The following ADAMTS17 variants were observed in gnomAD, a reference collection of about 807,000 sequenced individuals.
ADAMTS17 encodes ADAM metallopeptidase with thrombospondin type 1 motif 17.
A neutral mutation model predicts 141.5 loss-of-function variants in ADAMTS17; 113 were observed. The ratio of observed to expected loss-of-function variants is 0.80; its 90% CI spans 0.69 to 0.93. The LOEUF is 0.93. Among genes scored for constraint, ADAMTS17 ranks in the 40% least tolerant of loss-of-function variants. The pLI is 0.00. For missense variants in ADAMTS17, 1,659 were observed against 1,517.9 expected (o/e 1.09, Z -1.54); for synonymous variants, 768 against 630.6 (o/e 1.22, Z -3.27).
At chr15:100,063,178 C>A (rs1279345774) in intron 15 of ADAMTS17, among the ~76,000 whole-genome samples, 1 of 152,212 alleles carries the variant, frequency 6.6e-6, no homozygotes, top group African/African-American at 2.4e-5. Context: ...GAGCTGGCCA[C>A]TAGGAATTTG....
At chr15:100,204,503 G>C (rs575226374) in intron 7 of ADAMTS17, among the ~76,000 whole-genome samples, 5 of 152,308 alleles carry the variant, frequency 3.3e-5, no homozygotes, top group African/African-American at 1.2e-4. Context: ...AGTGGATGTG[G>C]GTGTGATCTG....
rs550141566 is a variant in ADAMTS17 at position 100,191,544 on chromosome 15, G to A, written c.1181+7774C>T. Among the ~76,000 whole-genome samples, 3 of 152,356 alleles carry A rather than the reference G, an allele frequency of 2.0e-5. No individual in the cohort carries two copies. In the South Asian group the frequency reaches 6.2e-4, roughly 32 times the overall value. On this transcript the variant is annotated intron_variant, in intron 8 of 21. Transcript: ENST00000268070. ...GGTTTTCCAGACAACTGGAAGAAAT[G>A]TCGTCGCCTCGCATGAGACTCCACA...
chr15:100,219,610 G>T (rs1037295429), intron 7 of ADAMTS17, among the ~76,000 whole-genome samples: 2 of 152,096 alleles, frequency 1.3e-5, no homozygotes, highest in East Asian at 1.9e-4. Context: ...GCCTCCTAAC[G>T]CATCCAGAGA....
At chr15:100,256,203 G>A (rs891209225) in intron 6 of ADAMTS17, among the ~76,000 whole-genome samples, 21 of 152,208 alleles carry the variant, frequency 1.4e-4, no homozygotes, top group African/African-American at 4.3e-4. Context: ...GGAATGAAAA[G>A]AGGGCTAGAC....
intron 8 of ADAMTS17, among the ~76,000 whole-genome samples, chr15:100,188,411 A>AAC (rs1415137405): frequency 2.6e-5 from 4 of 151,628 alleles, no homozygotes; most frequent in South Asian, 2.1e-4. Flanking sequence ...AAAAAACAAG[A>AAC]ACACACACAC....
intron 3 of ADAMTS17, among the ~76,000 whole-genome samples, chr15:100,290,628 A>G (rs1464797452): frequency 6.6e-6 from 1 of 152,228 alleles, no homozygotes; most frequent in Non-Finnish European, 1.5e-5. Context: ...AGAGTAACCA[A>G]AACAGCATGG....
chr15:100,294,586 T>C (rs984006726), intron 3 of ADAMTS17, among the ~76,000 whole-genome samples: 2 of 149,564 alleles, frequency 1.3e-5, no homozygotes, highest in Non-Finnish European at 3.0e-5. Flanking sequence ...CACGTGCTTG[T>C]AGTCCCGGCG....
chr15:100,133,021 T>A (rs80163744), intron 11 of ADAMTS17, among the ~76,000 whole-genome samples, 193 bp downstream of exon 11: 16 of 152,340 alleles, frequency 1.1e-4, no homozygotes, highest in Non-Finnish European at 1.8e-4. Context: ...GATACTTGTA[T>A]CTTATAAGAA....
chr15:100,279,790 C>T (rs1780502485), intron 4 of ADAMTS17, among the ~76,000 whole-genome samples: 1 of 152,220 alleles, frequency 6.6e-6, no homozygotes, highest in African/African-American at 2.4e-5. Flanking sequence ...TCTCCTTTAG[C>T]CAAGATCAGC....
rs549434365 is a variant in ADAMTS17, at chr15:100,165,887, CTTTT to C, written c.1182-10571_1182-10568del. ...TGAACCAATTCTTTTTCCTTTCTCT[CTTTT>C]TTGTTTTTTTTTCCAGAATGGCCTT... On this transcript the variant is annotated intron_variant, in intron 8 of 21. Coordinates refer to ENST00000268070, the MANE Select transcript of ADAMTS17 (RefSeq NM_139057.4). Among the ~76,000 whole-genome samples the C allele has an allele frequency of 3.1e-3, 465 of 152,082 alleles. 3 individuals are homozygous for C. Among genetic ancestry groups the C allele is most frequent in the Middle Eastern group, 3.4e-3 (1 of 294 alleles).
At chr15:100,288,009 G>A (rs535824061) in intron 3 of ADAMTS17, among the ~76,000 whole-genome samples, 38 of 152,186 alleles carry the variant, frequency 2.5e-4, no homozygotes, top group Middle Eastern at 3.4e-3. Context: ...TGTATATATC[G>A]ATATTAGCTT....
chr15:100,157,812 C>T (rs2039504827), intron 8 of ADAMTS17, among the ~76,000 whole-genome samples: 1 of 151,984 alleles, frequency 6.6e-6, no homozygotes, highest in Non-Finnish European at 1.5e-5. Context: ...TGTCAGGTAT[C>T]TATCCAATTA....
intron 14 of ADAMTS17, among the ~76,000 whole-genome samples, chr15:100,099,413 C>T (rs2054570): frequency 0.15 from 22,251 of 152,140 alleles, 1,939 homozygotes; most frequent in Admixed American, 0.21. Flanking sequence ...TGGAAGCTGC[C>T]ATAGGACACA....
At chr15:99,981,815 A>G (rs560876674) in intron 20 of ADAMTS17, among the ~76,000 whole-genome samples, 3 of 152,360 alleles carry the variant, frequency 2.0e-5, no homozygotes, top group South Asian at 2.1e-4. Flanking sequence ...AATTCTGCCA[A>G]TGAGTCTGGT....
intron 18 of ADAMTS17, among the ~76,000 whole-genome samples, chr15:100,012,942 G>C (rs1001574787): frequency 2.6e-5 from 4 of 152,088 alleles, no homozygotes; most frequent in African/African-American, 9.7e-5. Context: ...GTATTTTGAT[G>C]GGAATTGCAT....
intron 7 of ADAMTS17, among the ~76,000 whole-genome samples, chr15:100,231,183 G>A (rs968261342): frequency 2.0e-5 from 3 of 152,114 alleles, no homozygotes; most frequent in African/African-American, 7.2e-5. Context: ...TTTCAGGACC[G>A]TGTTATGTTA....
In ADAMTS17 at chr15:100,262,385, T is replaced by A; in HGVS notation, c.840A>T (p.Gln280His). 1 of 1,614,020 alleles carries A rather than the reference T, an allele frequency of 6.2e-7. No homozygotes were observed. Among genetic ancestry groups the A allele is most frequent in the Non-Finnish European group, 8.5e-7 (1 of 1,179,970 alleles). ...GTCGTAGCAGGACAAGCTTGGTCAC[T>A]TGAATGTTAATTTTAATCCCCAGGC... ...HQSLGIKINI[Q>H]VTKLVLLRQR... The change falls in exon 5 of 22, where the codon CAA becomes CAT. Residue 280 changes from glutamine (Q) to histidine (H), a missense_variant. Physicochemically the swap from Gln to His is conservative, Grantham distance 24. Coordinates refer to ENST00000268070, the MANE Select transcript of ADAMTS17 (RefSeq NM_139057.4).
intron 10 of ADAMTS17, among the ~76,000 whole-genome samples, chr15:100,147,655 C>T (rs1426125653): frequency 3.3e-5 from 5 of 152,222 alleles, no homozygotes; most frequent in Non-Finnish European, 7.3e-5. Flanking sequence ...GCAGCTGATA[C>T]TGACTGAAAC....
chr15:99,995,969 G>C (rs912489130), intron 19 of ADAMTS17, among the ~76,000 whole-genome samples: 47 of 152,084 alleles, frequency 3.1e-4, no homozygotes, highest in African/African-American at 9.9e-4. Flanking sequence ...TCCAAACGTA[G>C]AGATCTTCAG....
Sources: gnomAD v4.1 joint callset for allele counts (sites outside exome capture counted in the v4.1 genomes callset) on GRCh38, gnomAD v4.1.1 for gene constraint, MANE v1.5 for transcripts, NCBI Gene and HGNC (gene_info 2026-07-23, HGNC 2026-07-21) for gene names.